The following SURF6 variants were observed in gnomAD, a reference collection of about 807,000 sequenced individuals.
SURF6 encodes surfeit locus protein 6.
A neutral mutation model predicts 37.5 loss-of-function variants in SURF6; 28 were observed. The ratio of observed to expected loss-of-function variants is 0.75; its 90% CI spans 0.55 to 1.02. SURF6 has a LOEUF of 1.02. Among genes scored for constraint, SURF6 ranks in the 50% least tolerant of loss-of-function variants. SURF6 has a pLI of 0.00. For missense variants in SURF6, 560 were observed against 490.5 expected, an observed-to-expected ratio of 1.14 and a Z score of -1.34; for synonymous variants, 248 against 210.9, an observed-to-expected ratio of 1.18 and a Z score of -1.52.
rs1378818770 is a variant in SURF6 at position 133,334,336 on chromosome 9, C to T, written c.304+56G>A. On this transcript the variant is annotated intron_variant, in intron 2 of 4. Coordinates refer to ENST00000372022, the MANE Select transcript of SURF6 (RefSeq NM_006753.6). ...TCTTAAGAGCAAAGGGGACCAAGCC[C>T]AAGCCCAGCCCCAGCCCCGCCCTGC... 5.3e-6 allele frequency: 8 copies of T among 1,516,750 alleles called. No homozygotes were observed. The African/African-American group carries it at 1.1e-4, about 21-fold the overall frequency. The allele number at this position is 1,516,750 out of a possible 1,614,324, so 94.0% of individuals were successfully genotyped here. A position where few individuals can be genotyped will look rare whatever the true frequency, so the allele number is the denominator to read the frequency against.
chr9:133,334,686 A>G, intron 1 of SURF6, 85 bp from the exon 2 acceptor site: 3 of 1,502,106 alleles, frequency 2.0e-6, no homozygotes, highest in Non-Finnish European at 2.7e-6. Context: ...CTTTGATCCC[A>G]GGAAGATGCC....
rs1423335714 is a variant in SURF6, at chr9:133,331,512, A to C, written c.*357T>G. 8.0e-6 allele frequency: 2 copies of C among 248,740 alleles called. No individual in the cohort carries two copies. Among genetic ancestry groups the C allele is most frequent in the East Asian group, 7.5e-5 (1 of 13,318 alleles). The allele number at this position is 248,740 out of a possible 1,614,324, so 15.4% of individuals were successfully genotyped here. The stretch of plus-strand genomic sequence containing the variant: ...CGTCTTCTGTCCCGTGGCTCCTGCG[A>C]ACACAGGCAGTGGGGAACAGGCAGT... On this transcript the variant is annotated 3_prime_UTR_variant, in exon 5 of 5. Transcript: ENST00000372022.
At chr9:133,333,365 G>A (rs1489036570) in intron 3 of SURF6, among the ~76,000 whole-genome samples, 2 of 152,178 alleles carry the variant, frequency 1.3e-5, no homozygotes, top group Non-Finnish European at 2.9e-5. Flanking sequence ...CCAACACAGG[G>A]GAGACAGTAC....
Position 133,330,834 on chromosome 9 carries a change from T to G in SURF6, c.*1035A>C, listed in dbSNP as rs1282161552. 1 of 152,216 alleles carries G rather than the reference T, an allele frequency of 6.6e-6. No individual in the cohort carries two copies. Among genetic ancestry groups the G allele is most frequent in the African/African-American group, 2.4e-5 (1 of 41,450 alleles). The allele number at this position is 152,216 out of a possible 1,614,324, so 9.4% of individuals were successfully genotyped here. A position where few individuals can be genotyped will look rare whatever the true frequency, so the allele number is the denominator to read the frequency against. ...GTGGTCAGTTTCCATCCATGTTCCATATATGCATGGAAAGAGTATGTATTC... is the reference window on the plus strand; with the variant it reads ...GTGGTCAGTTTCCATCCATGTTCCAGATATGCATGGAAAGAGTATGTATTC... On this transcript the variant is annotated 3_prime_UTR_variant, in exon 5 of 5. Transcript: ENST00000372022.
Position 133,331,811 on chromosome 9 carries a change from T to C in SURF6, c.*58A>G. 1.3e-6 allele frequency: 2 copies of C among 1,482,326 alleles called. No individual in the cohort carries two copies. Among genetic ancestry groups the C allele is most frequent in the Non-Finnish European group, 1.8e-6 (2 of 1,126,510 alleles). The allele number at this position is 1,482,326 out of a possible 1,614,324, so 91.8% of individuals were successfully genotyped here. ...CTGGGACAGAGCCAGCGTCAAGGACTCAGAGGGTGTCCTGGAGTCTCCTAG... is the reference window on the plus strand; with the variant it reads ...CTGGGACAGAGCCAGCGTCAAGGACCCAGAGGGTGTCCTGGAGTCTCCTAG... On this transcript the variant is annotated 3_prime_UTR_variant, in exon 5 of 5. Transcript: ENST00000372022.
In SURF6 at chr9:133,331,984, C is replaced by T. The variant is rs2129913491; in HGVS notation, c.971G>A (p.Arg324Gln). Residue 324 changes from arginine to glutamine, a missense_variant, in exon 5 of 5, where the codon CGG becomes CAG. Coordinates refer to ENST00000372022, the MANE Select transcript of SURF6 (RefSeq NM_006753.6). ...VVEKMQQRQD[R>Q]RRQNLRRKKA... ...CTTCCTGCGCAGGTTCTGCCGCCGC[C>T]GGTCCTGGCGCTGCTGCATCTTCTC... 3 of 1,597,816 alleles carry T rather than the reference C, an allele frequency of 1.9e-6. No individual in the cohort carries two copies. Among genetic ancestry groups the T allele is most frequent in the African/African-American group, 1.3e-5 (1 of 75,002 alleles).
At position 133,332,326 on chromosome 9, in the gene SURF6, G is replaced by A. The variant is rs2129917678; in HGVS notation, c.629C>T (p.Pro210Leu). 40 of 1,585,740 alleles carry A rather than the reference G, an allele frequency of 2.5e-5. No homozygotes were observed. The highest frequency in any genetic ancestry group is 3.0e-5 in the Non-Finnish European group (35 of 1,168,370). ...TTTTCTGCGCTGCGCCTTGCTGGCC[G>A]GCTCGTCTTCGCTCACCTCCACCTG... ...FNKVEVSEDE[P>L]ASKAQRRKEK... Residue 210 changes from proline to leucine, a missense_variant, in exon 5 of 5, where the codon CCG becomes CTG. Physicochemically the swap from Pro to Leu is moderately conservative, Grantham distance 98 (BLOSUM62 -3). Coordinates refer to ENST00000372022, the MANE Select transcript of SURF6 (RefSeq NM_006753.6).
chr9:133,334,915 A>G (rs1427154171), intron 1 of SURF6, among the ~76,000 whole-genome samples: 1 of 152,202 alleles, frequency 6.6e-6, no homozygotes, highest in East Asian at 1.9e-4. Flanking sequence ...TGCTGCCATC[A>G]AACACAATGG....
chr9:133,332,000 G>C lies in SURF6; in HGVS notation c.955C>G (p.Gln319Glu). The C allele has an allele frequency of 6.3e-7, 1 of 1,599,566 alleles. No individual in the cohort carries two copies. The highest frequency in any genetic ancestry group is 8.5e-7 in the Non-Finnish European group (1 of 1,179,092). ...KRTAGVVEKM[Q>E]QRQDRRRQNL... ...TGCCGCCGCCGGTCCTGGCGCTGCT[G>C]CATCTTCTCCACCACGCCGGCCGTG... Residue 319 changes from glutamine to glutamate, a missense_variant, in exon 5 of 5, where the codon CAG (glutamine) becomes GAG (glutamate). By Grantham distance (29) the Gln-to-Glu change is conservative. Transcript: ENST00000372022.
At chr9:133,333,057 T>C in intron 3 of SURF6, 3 of 444,666 alleles carry the variant, frequency 6.7e-6, no homozygotes, top group Middle Eastern at 6.6e-4. Flanking sequence ...ATGAGGAGGG[T>C]CAAGACCACT....
rs2129933838 is a variant in SURF6, at chr9:133,336,073, G to A, written c.60C>T (p.Ser20=). 1.9e-6 allele frequency: 3 copies of A among 1,612,712 alleles called. 1 individual carries two copies. The highest frequency in any genetic ancestry group is 2.2e-5 in the South Asian group (2 of 91,060). The change falls in exon 1 of 5, where the codon TCC becomes TCT. Residue 20 remains serine (S), a synonymous_variant. Coordinates refer to ENST00000372022, the MANE Select transcript of SURF6 (RefSeq NM_006753.6). ...GCGCCTGCTGTTCCGGGGCCGAATGGGAGCAGATCTTCTTGGCCAGGCTCT... is the reference window on the plus strand; with the variant it reads ...GCGCCTGCTGTTCCGGGGCCGAATGAGAGCAGATCTTCTTGGCCAGGCTCT... The part of the protein sequence containing the change: ...YLQSLAKKIC[S]HSAPEQQART...
Position 133,329,125 on chromosome 9 carries a change from CAG to C in SURF6, c.*2742_*2743del, listed in dbSNP as rs2129901268. On this transcript the variant is annotated 3_prime_UTR_variant, in exon 5 of 5. Coordinates refer to ENST00000372022, the MANE Select transcript of SURF6 (RefSeq NM_006753.6). ...GCCCTTCCCTGCCTGGCAGCCGAGG[CAG>C]AGAGAGAGAGGAGACAGAGAGAAAG... The C allele has an allele frequency of 1.6e-4, 25 of 152,888 alleles. No homozygotes were observed. Among genetic ancestry groups the C allele is most frequent in the South Asian group, 6.0e-4 (3 of 4,986 alleles). 9.5% of individuals were successfully genotyped at this position (152,888 alleles called of 1,614,324 possible).
chr9:133,329,355 C>T lies in SURF6; in HGVS notation c.*2514G>A, dbSNP rs2129902255. 11 of 194,636 alleles carry T rather than the reference C, an allele frequency of 5.7e-5. No individual in the cohort carries two copies. In the South Asian group the frequency reaches 8.5e-4, roughly 15 times the overall value. The allele number at this position is 194,636 out of a possible 1,614,324, so 12.1% of individuals were successfully genotyped here. A position where few individuals can be genotyped will look rare whatever the true frequency, so the allele number is the denominator to read the frequency against. On this transcript the variant is annotated 3_prime_UTR_variant, in exon 5 of 5. Transcript: ENST00000372022. Reference sequence around the variant, plus strand: ...GGCCTGCCGGATGTCAGGCCCTCCACAAGAGGTGGAAGAGCAGAGTCTTCT... The same window carrying T: ...GGCCTGCCGGATGTCAGGCCCTCCATAAGAGGTGGAAGAGCAGAGTCTTCT...
At position 133,329,204 on chromosome 9, in the gene SURF6, A is replaced by G. The variant is rs1253673325; in HGVS notation, c.*2665T>C. 6.5e-6 allele frequency: 1 copy of G among 153,014 alleles called. No individual in the cohort carries two copies. Among genetic ancestry groups the G allele is most frequent in the Non-Finnish European group, 1.5e-5 (1 of 68,526 alleles). The allele number at this position is 153,014 out of a possible 1,614,324, so 9.5% of individuals were successfully genotyped here. A position where few individuals can be genotyped will look rare whatever the true frequency, so the allele number is the denominator to read the frequency against. On this transcript the variant is annotated 3_prime_UTR_variant, in exon 5 of 5. Transcript: ENST00000372022. ...TCAGAGACTTTTAGTACTTTCACTA[A>G]TTTACTACTGCTATCTAGAAGGCAG...
Position 133,334,509 on chromosome 9 carries a change from C to T in SURF6, c.187G>A (p.Ala63Thr), listed in dbSNP as rs138359866. 395 of 1,614,136 alleles carry T rather than the reference C, an allele frequency of 2.4e-4. 1 individual carries two copies. The African/African-American group carries it at 4.9e-3, about 20-fold the overall frequency. ...CCCAAGGACTTGGCCTTGTGCTCAG[C>T]AGCCTTCTCTTCTCGCTTCCGGAAT... ...KKFRKREEKA[A>T]EHKAKSLGEK... Residue 63 changes from alanine (A) to threonine (T), a missense_variant, in exon 2 of 5, where the codon GCT (alanine) becomes ACT (threonine). Physicochemically the swap from Ala to Thr is moderately conservative, Grantham distance 58. Coordinates refer to ENST00000372022, the MANE Select transcript of SURF6 (RefSeq NM_006753.6).
Position 133,331,129 on chromosome 9 carries a change from C to T in SURF6, c.*740G>A, listed in dbSNP as rs2119039578. 1 of 152,354 alleles carries T rather than the reference C, an allele frequency of 6.6e-6. No homozygotes were observed. Among genetic ancestry groups the T allele is most frequent in the African/African-American group, 2.4e-5 (1 of 41,576 alleles). The allele number at this position is 152,354 out of a possible 1,614,324, so 9.4% of individuals were successfully genotyped here. A position where few individuals can be genotyped will look rare whatever the true frequency, so the allele number is the denominator to read the frequency against. The stretch of plus-strand genomic sequence containing the variant: ...AACTCTGGATTTAATTCTTCCATCC[C>T]ACTTTGTATCTTGCATTCACTTCAC... On this transcript the variant is annotated 3_prime_UTR_variant, in exon 5 of 5. Transcript: ENST00000372022.
intron 1 of SURF6, among the ~76,000 whole-genome samples, chr9:133,335,791 G>A (rs2129932641): frequency 6.6e-6 from 1 of 152,232 alleles, no homozygotes; most frequent in South Asian, 2.1e-4. Flanking sequence ...CAGGAGAATG[G>A]CGTGAACCCG....
rs2129918015 is a variant in SURF6, at chr9:133,332,368, T to A, written c.607-20A>T. On this transcript the variant is annotated intron_variant, in intron 4 of 4. Transcript: ENST00000372022. ...CTCCACCTGGGAGGAAGGTATGACA[T>A]CAGCTCATGCCAGCCCTGCACTAGG... 8 of 1,561,048 alleles carry A rather than the reference T, an allele frequency of 5.1e-6. No homozygotes were observed. The highest frequency in any genetic ancestry group is 6.9e-6 in the Non-Finnish European group (8 of 1,157,080).
chr9:133,333,863 C>G, intron 2 of SURF6, 57 bp from the exon 3 acceptor site: 1 of 1,458,316 alleles, frequency 6.9e-7, no homozygotes, highest in Non-Finnish European at 9.5e-7. Flanking sequence ...CCCTCCCTCC[C>G]TAGGGCCACG....
Sources: gnomAD v4.1 joint callset for allele counts (sites outside exome capture counted in the v4.1 genomes callset) on GRCh38, gnomAD v4.1.1 for gene constraint, MANE v1.5 for transcripts, NCBI Gene and HGNC (gene_info 2026-07-23, HGNC 2026-07-21) for gene names.